The following CLIP2 variants were observed in gnomAD, a reference collection of about 807,000 sequenced individuals.
CLIP2 encodes CAP-Gly domain-containing linker protein 2.
Under a neutral mutation model 111.7 loss-of-function variants are expected in CLIP2, and 41 were observed. That is an observed-to-expected ratio of 0.37 (90% CI 0.29 to 0.48). The LOEUF (loss-of-function observed/expected upper bound fraction) is 0.48. CLIP2 is among the 20% of genes least tolerant of loss of function. The probability of loss-of-function intolerance (pLI) is 0.99; values close to 1 mark genes in which losing one functional copy is unlikely to be tolerated. For missense variants in CLIP2, 1,160 were observed against 1,422.1 expected (o/e 0.82, Z 2.96); for synonymous variants, 660 against 644.2 (o/e 1.02, Z -0.37).
chr7:74,358,025 G>C (rs1187300737), intron 6 of CLIP2, among the ~76,000 whole-genome samples: 1 of 149,398 alleles, frequency 6.7e-6, no homozygotes, highest in Non-Finnish European at 1.5e-5. Context: ...AAAGTGCTGG[G>C]ATTACAGGTG....
At chr7:74,313,972 CAGCAGTTTGAGACCAGGCTGGCCA>C (rs1199157669) in intron 1 of CLIP2, among the ~76,000 whole-genome samples, 6 of 152,050 alleles carry the variant, frequency 3.9e-5, no homozygotes, top group South Asian at 2.1e-4. Context: ...TGCCTGAGGT[CAGCAGTTTGAGACCAGGCTGGCCA>C]AGATGGCAGA....
rs548872345 is a variant in CLIP2, at chr7:74,355,226, G to A, written c.804-1184G>A. ...TCCTTTTGGAAGAGGCTTGAGAGAG[G>A]CTGTGCTAGGCAGGGGCTGAGAGCA... On this transcript the variant is annotated intron_variant, in intron 4 of 16. Transcript: ENST00000223398. Among the ~76,000 whole-genome samples the A allele has an allele frequency of 3.9e-5, 6 of 152,272 alleles. No homozygotes were observed. The East Asian group carries it at 5.8e-4, about 15-fold the overall frequency.
intron 1 of CLIP2, among the ~76,000 whole-genome samples, chr7:74,303,531 G>T (rs1554727174): frequency 6.6e-6 from 1 of 151,956 alleles, no homozygotes; most frequent in Non-Finnish European, 1.5e-5. Context: ...TCTGTTGGGG[G>T]CTTGCCTCTT....
chr7:74,296,810 A>T (rs1251531338), intron 1 of CLIP2, among the ~76,000 whole-genome samples: 1 of 145,308 alleles, frequency 6.9e-6, no homozygotes, highest in Non-Finnish European at 1.5e-5. Flanking sequence ...AAAAAAGAGA[A>T]AAGAAAAAGA....
rs1790766055 is a variant in CLIP2, at chr7:74,375,981, T to C, written c.1580T>C (p.Leu527Ser). 1.2e-6 allele frequency: 2 copies of C among 1,611,006 alleles called. No individual in the cohort carries two copies. Among genetic ancestry groups the C allele is most frequent in the Middle Eastern group, 3.3e-4 (2 of 6,030 alleles). ...ATCGAGGAGCTCCAGCAGTGCCTGT[T>C]GCACTCGGGTCCCCCACCTCCGGAC... is the stretch of plus-strand genomic sequence containing the variant. ...GEIEELQQCL[L>S]HSGPPPPDHP... Residue 527 changes from leucine to serine, a missense_variant, in exon 10 of 17, where the codon TTG (leucine) becomes TCG (serine). Physicochemically the swap from Leu to Ser is moderately radical, Grantham distance 145. Around this residue, in one of 5 missense-constraint regions of CLIP2, gnomAD observed 676 missense variants for 777.8 expected, o/e 0.87. Transcript: ENST00000223398.
intron 12 of CLIP2, among the ~76,000 whole-genome samples, chr7:74,387,706 G>A (rs1367287188): frequency 2.6e-5 from 4 of 152,138 alleles, no homozygotes; most frequent in African/African-American, 9.7e-5. Flanking sequence ...CTCCTCCAAG[G>A]CCAAGGTGAA....
At chr7:74,331,465 G>A (rs1747423215) in intron 2 of CLIP2, among the ~76,000 whole-genome samples, 1 of 151,758 alleles carries the variant, frequency 6.6e-6, no homozygotes, top group South Asian at 2.1e-4. Context: ...GTAAGGTCCT[G>A]GAGGAGGCAG....
intron 2 of CLIP2, among the ~76,000 whole-genome samples, chr7:74,325,043 T>C (rs1231465985): frequency 6.6e-6 from 1 of 152,030 alleles, no homozygotes; most frequent in Non-Finnish European, 1.5e-5. Context: ...GGCAGTGGTT[T>C]GTGGGGAGGG....
In CLIP2 at chr7:74,338,300, G is replaced by A. The variant is rs1303412235; in HGVS notation, c.122-148G>A. Reference sequence around the variant, plus strand: ...GCGGATTTCTTGAGGTCAGGAGTTCGAGACCAGCCTGGCCGAGATGGTGAA... The same window carrying A: ...GCGGATTTCTTGAGGTCAGGAGTTCAAGACCAGCCTGGCCGAGATGGTGAA... On this transcript the variant is annotated intron_variant, in intron 2 of 16. Coordinates refer to ENST00000223398, the MANE Select transcript of CLIP2 (RefSeq NM_003388.5). This position sits in a 1 kb window ranked among gnomAD's most constrained non-coding sequence, Gnocchi z 4.3. The A allele has an allele frequency of 8.7e-6, 8 of 922,140 alleles. No individual in the cohort carries two copies. Among genetic ancestry groups the A allele is most frequent in the Admixed American group, 3.0e-5 (1 of 33,866 alleles). The allele number at this position is 922,140 out of a possible 1,614,324, so 57.1% of individuals were successfully genotyped here. A position where few individuals can be genotyped will look rare whatever the true frequency, so the allele number is the denominator to read the frequency against.
intron 13 of CLIP2, among the ~76,000 whole-genome samples, chr7:74,393,427 C>A (rs1409078858): frequency 6.6e-6 from 1 of 150,496 alleles, no homozygotes; most frequent in East Asian, 2.0e-4. Flanking sequence ...ACCTCCACCT[C>A]CTAGGTTCAA....
At chr7:74,389,752 A>G (rs1791221568) in intron 13 of CLIP2, among the ~76,000 whole-genome samples, 1 of 151,720 alleles carries the variant, frequency 6.6e-6, no homozygotes, top group Non-Finnish European at 1.5e-5. Flanking sequence ...TACAGAAATT[A>G]GCTGGGTGTA....
chr7:74,298,583 AGTG>A (rs1788237136), intron 1 of CLIP2, among the ~76,000 whole-genome samples: 1 of 150,956 alleles, frequency 6.6e-6, no homozygotes, highest in Non-Finnish European at 1.5e-5. Context: ...GTTGGAGTGC[AGTG>A]GCGTGGCGTG....
chr7:74,380,927 C>T, intron 11 of CLIP2, 64 bp downstream of exon 11: 1 of 1,501,502 alleles, frequency 6.7e-7, no homozygotes, highest in Non-Finnish European at 9.3e-7. Flanking sequence ...GCTCTGCCTT[C>T]CTGCTGGGTC....
chr7:74,328,165 C>T (rs1259062909), intron 2 of CLIP2, among the ~76,000 whole-genome samples: 8 of 151,982 alleles, frequency 5.3e-5, no homozygotes, highest in African/African-American at 1.7e-4. Context: ...TAGACTCGGT[C>T]CTCCCTGGAG....
chr7:74,336,363 C>T (rs1789458990), intron 2 of CLIP2, among the ~76,000 whole-genome samples: 1 of 152,100 alleles, frequency 6.6e-6, no homozygotes, highest in Non-Finnish European at 1.5e-5. Context: ...CCACCATGCT[C>T]AGCATGAGAC....
Position 74,380,869 on chromosome 7 carries a change from TG to T in CLIP2, c.2479+8del. 1.2e-6 allele frequency: 2 copies of T among 1,613,528 alleles called. No individual in the cohort carries two copies. Among genetic ancestry groups the T allele is most frequent in the Non-Finnish European group, 1.7e-6 (2 of 1,179,576 alleles). On this transcript the variant is annotated splice_region_variant and intron_variant, in intron 11 of 16. Transcript: ENST00000223398. ...GACGAAGGAAACTGTGGAGGGTGAG[TG>T]GCCACCAGGCCGGGCGGGACTCTGG...
intron 11 of CLIP2, chr7:74,381,094 A>G (rs1415940003): frequency 2.7e-6 from 1 of 371,618 alleles, no homozygotes; most frequent in Non-Finnish European, 4.8e-6. Flanking sequence ...TTTGAAACAG[A>G]TTTAACGGAA....
intron 3 of CLIP2, among the ~76,000 whole-genome samples, chr7:74,340,849 G>A (rs1283810995): frequency 6.6e-6 from 1 of 152,090 alleles, no homozygotes; most frequent in East Asian, 1.9e-4. Context: ...AAGGCTTCCT[G>A]GGGGAAGGTG....
At chr7:74,328,750 C>CT (rs1172549044) in intron 2 of CLIP2, among the ~76,000 whole-genome samples, 2 of 151,938 alleles carry the variant, frequency 1.3e-5, no homozygotes, top group African/African-American at 4.8e-5. Context: ...GGTAAAATGC[C>CT]TTTTTTTCTT....
Sources: gnomAD v4.1 joint callset for allele counts (sites outside exome capture counted in the v4.1 genomes callset) on GRCh38, gnomAD v4.1.1 for gene constraint, gnomAD v4.1.1 regional missense constraint, Gnocchi (gnomAD v3.1) non-coding constraint, MANE v1.5 for transcripts, NCBI Gene and HGNC (gene_info 2026-07-23, HGNC 2026-07-21) for gene names.